Variants in NAV3 observed in about 807,000 individuals in gnomAD.
NAV3 encodes the protein neuron navigator 3, also known as pore membrane and/or filament interacting like protein 1.
NAV3 carries 87 observed loss-of-function variants against 244.7 expected under a neutral mutation model. That is an observed-to-expected ratio of 0.36 (90% CI 0.30 to 0.42). The LOEUF (loss-of-function observed/expected upper bound fraction) is 0.42. Among genes scored for constraint, NAV3 ranks in the 20% least tolerant of loss-of-function variants. NAV3 has a pLI of 1.00. For synonymous variants in NAV3, 1,126 were observed against 1,042.2 expected, an observed-to-expected ratio of 1.08 and a Z score of -1.55; for missense variants, 2,663 against 2,893.3, an observed-to-expected ratio of 0.92 and a Z score of 1.83.
At chr12:77,596,100 C>T (rs711108) in intron 2 of NAV3, among the ~76,000 whole-genome samples, 51,231 of 151,948 alleles carry the variant, frequency 0.34, 9,280 homozygotes, top group African/African-American at 0.46. Context: ...GACAATGAGG[C>T]TGGGCTCTGG....
intron 12 of NAV3, among the ~76,000 whole-genome samples, chr12:78,063,876 GA>G (rs1884636184): frequency 6.6e-6 from 1 of 152,126 alleles, no homozygotes; most frequent in Non-Finnish European, 1.5e-5. Context: ...ACAAGGAGAC[GA>G]GAGACAAAGG....
intron 2 of NAV3, among the ~76,000 whole-genome samples, chr12:77,723,716 C>A (rs1013816643): frequency 2.1e-5 from 3 of 145,698 alleles, no homozygotes; most frequent in Non-Finnish European, 3.0e-5. Context: ...TTCTGAGTCT[C>A]CACACAGATT....
intron 3 of NAV3, among the ~76,000 whole-genome samples, chr12:77,965,187 ACTTTTTAGCTTTCTATGCT>A (rs1892402198): frequency 6.6e-6 from 1 of 152,186 alleles, no homozygotes; most frequent in South Asian, 2.1e-4. Flanking sequence ...AAGAATTGGA[ACTTTTTAGCTTTCTATGCT>A]CTTACGAATC....
At chr12:77,915,110 C>T (rs558114953) in intron 1 of NAV3, among the ~76,000 whole-genome samples, 2 of 151,976 alleles carry the variant, frequency 1.3e-5, no homozygotes, top group Non-Finnish European at 2.9e-5. Flanking sequence ...TCTTCTCTTC[C>T]TTCTCTGCAA....
chr12:77,572,825 T>G (rs1446237242), intron 2 of NAV3, among the ~76,000 whole-genome samples: 1 of 152,240 alleles, frequency 6.6e-6, no homozygotes, highest in Non-Finnish European at 1.5e-5. Context: ...TGTGCTAACT[T>G]TATTTTAAAA....
intron 22 of NAV3, among the ~76,000 whole-genome samples, chr12:78,158,192 G>T (rs546871681): frequency 1.3e-5 from 2 of 151,780 alleles, no homozygotes; most frequent in South Asian, 2.1e-4. Context: ...TTCATTTTTG[G>T]CCAAGGATTT....
chr12:77,846,732 A>G (rs1323729667), intron 1 of NAV3, among the ~76,000 whole-genome samples: 1 of 152,194 alleles, frequency 6.6e-6, no homozygotes, highest in East Asian at 1.9e-4. Context: ...TTCAGATTTA[A>G]TGGGAAATGT....
chr12:78,168,301 T>G (rs1393198058), intron 23 of NAV3, among the ~76,000 whole-genome samples: 1 of 151,848 alleles, frequency 6.6e-6, no homozygotes, highest in Non-Finnish European at 1.5e-5. Flanking sequence ...CACAAAATAC[T>G]TCAAACAAAA....
intron 5 of NAV3, among the ~76,000 whole-genome samples, chr12:77,983,529 G>T (rs1019869752): frequency 1.3e-5 from 2 of 152,156 alleles, no homozygotes; most frequent in Non-Finnish European, 2.9e-5. Context: ...ATGGAACTTT[G>T]GTGACTAGTA....
chr12:78,056,710 C>T (rs1005773836), intron 11 of NAV3, among the ~76,000 whole-genome samples: 2 of 152,004 alleles, frequency 1.3e-5, no homozygotes, highest in African/African-American at 4.8e-5. Context: ...GCCTGGGTAA[C>T]GGAGTGAGAC....
intron 1 of NAV3, among the ~76,000 whole-genome samples, chr12:77,865,955 TATA>T (rs1446492322): frequency 6.6e-6 from 1 of 151,578 alleles, no homozygotes; most frequent in East Asian, 1.9e-4. Context: ...CTGCTGCTCT[TATA>T]ATGTTACCCA....
rs143196819 is a variant in NAV3, at chr12:77,674,824, T to C, written c.72+102558T>C. Among the ~76,000 whole-genome samples the C allele has an allele frequency of 1.2e-3, 183 of 152,336 alleles. 1 individual carries two copies. The highest frequency in any genetic ancestry group is 2.8e-3 in the African/African-American group (118 of 41,580). On this transcript the variant is annotated intron_variant, in intron 2 of 8. Transcript: ENST00000550042. ...TAGTGAAGATATATTGGTGACCAAA[T>C]CAGACCTGACTTCTGTCTTCATGGA...
At chr12:77,633,453 G>C (rs117296917) in intron 2 of NAV3, among the ~76,000 whole-genome samples, 3 of 151,842 alleles carry the variant, frequency 2.0e-5, no homozygotes, top group Non-Finnish European at 4.4e-5. Context: ...TAGCTAAAAC[G>C]GGCATTTTTC....
intron 2 of NAV3, among the ~76,000 whole-genome samples, chr12:77,716,735 T>C (rs1459522968): frequency 1.3e-5 from 2 of 152,006 alleles, no homozygotes; most frequent in Non-Finnish European, 2.9e-5. Flanking sequence ...GTTTGACATA[T>C]CTAATTTCAG....
At chr12:78,008,212 A>C (rs976378523) in intron 8 of NAV3, among the ~76,000 whole-genome samples, 1 of 151,608 alleles carries the variant, frequency 6.6e-6, no homozygotes, top group African/African-American at 2.4e-5. Context: ...GGGTTGTATT[A>C]CTGATTTGTT....
At chr12:77,706,802 C>T (rs1376802592) in intron 2 of NAV3, among the ~76,000 whole-genome samples, 3 of 127,798 alleles carry the variant, frequency 2.3e-5, no homozygotes, top group South Asian at 5.5e-4. Flanking sequence ...GCCCGGGAGG[C>T]GGAGCTTGCA....
intron 5 of NAV3, among the ~76,000 whole-genome samples, chr12:77,988,738 C>CT (rs1870964640): frequency 6.6e-6 from 1 of 152,118 alleles, no homozygotes; most frequent in African/African-American, 2.4e-5. Context: ...TATTTTACTG[C>CT]TTTTCTGACT....
intron 12 of NAV3, among the ~76,000 whole-genome samples, chr12:78,102,505 T>C (rs1016218441): frequency 1.3e-5 from 2 of 152,158 alleles, no homozygotes; most frequent in African/African-American, 4.8e-5. Flanking sequence ...TGTTGGTGGA[T>C]CTACCATTCT....
At chr12:77,681,069 G>T (rs189046206) in intron 2 of NAV3, among the ~76,000 whole-genome samples, 27 of 152,168 alleles carry the variant, frequency 1.8e-4, no homozygotes, top group African/African-American at 6.0e-4. Context: ...ACTTAAATTT[G>T]CCTAGTATTT....
Sources: gnomAD v4.1 joint callset for allele counts (sites outside exome capture counted in the v4.1 genomes callset) on GRCh38, gnomAD v4.1.1 for gene constraint, MANE v1.5 for transcripts, NCBI Gene and HGNC (gene_info 2026-07-23, HGNC 2026-07-21) for gene names.